Variants in SPATA31H1 observed in about 807,000 individuals in gnomAD.
SPATA31H1 encodes spermatogenesis-associated protein 31H1.
the SPATA31H1 span, chr2:27,582,532 A>C: frequency 6.3e-7 from 1 of 1,581,234 alleles, no homozygotes. Context: ...CGATGAGGCG[A>C]GGTCCGCCCC....
the SPATA31H1 span, chr2:27,574,192 A>T: frequency 5.0e-6 from 2 of 398,478 alleles, no homozygotes; most frequent in African/African-American, 4.1e-5. Flanking sequence ...ATGGAATGCA[A>T]CTCAGGCCCA....
chr2:27,579,700 T>C, the SPATA31H1 span: 1 of 1,614,198 alleles, frequency 6.2e-7, no homozygotes, highest in Non-Finnish European at 8.5e-7. Context: ...AGAGAAGATC[T>C]TGTTCCAATG....
At chr2:27,580,574 T>A in the SPATA31H1 span, 1 of 1,614,224 alleles carries the variant, frequency 6.2e-7, no homozygotes, top group Non-Finnish European at 8.5e-7. Context: ...AGACAAGTAC[T>A]GCCTCTTTAA....
the SPATA31H1 span, chr2:27,576,034 G>A: frequency 1.8e-5 from 7 of 398,832 alleles, no homozygotes; most frequent in Admixed American, 1.3e-4. Flanking sequence ...AAGCTTCTAC[G>A]TGCAGCACCT....
At chr2:27,539,091 T>C in the SPATA31H1 span, among the ~76,000 whole-genome samples, 1 of 142,116 alleles carries the variant, frequency 7.0e-6, no homozygotes, top group Non-Finnish European at 1.5e-5. Context: ...ATAAACATTA[T>C]CATCATTTTC....
the SPATA31H1 span, among the ~76,000 whole-genome samples, chr2:27,552,324 C>T: frequency 6.6e-6 from 1 of 151,854 alleles, no homozygotes; most frequent in Non-Finnish European, 1.5e-5. Flanking sequence ...ATCTAGTTGT[C>T]CCAGCACCAT....
At chr2:27,573,276 G>C in the SPATA31H1 span, 2 of 398,092 alleles carry the variant, frequency 5.0e-6, no homozygotes, top group Non-Finnish European at 8.9e-6. Flanking sequence ...GTCAACCTCA[G>C]AGCCACAGCT....
At chr2:27,550,010 TAA>T in the SPATA31H1 span, among the ~76,000 whole-genome samples, 37 of 152,062 alleles carry the variant, frequency 2.4e-4, no homozygotes, top group East Asian at 2.5e-3. Flanking sequence ...AAGATTTTTA[TAA>T]ATTGACTTTC....
chr2:27,582,125 G>C, the SPATA31H1 span: 1 of 1,613,266 alleles, frequency 6.2e-7, no homozygotes, highest in Non-Finnish European at 8.5e-7. Context: ...CCTCAGAGAA[G>C]AGCCACCTCA....
At chr2:27,570,248 T>A in the SPATA31H1 span, 3 of 398,786 alleles carry the variant, frequency 7.5e-6, no homozygotes, top group Non-Finnish European at 4.4e-6. Context: ...AAGGGACACA[T>A]ATTGAAGATA....
the SPATA31H1 span, among the ~76,000 whole-genome samples, chr2:27,547,322 C>T: frequency 6.6e-6 from 1 of 151,640 alleles, no homozygotes; most frequent in Non-Finnish European, 1.5e-5. Context: ...TACAGGTGCA[C>T]ACCACCATGC....
chr2:27,566,065 T>A, the SPATA31H1 span: 1,324 of 717,528 alleles, frequency 1.8e-3, 6 homozygotes, highest in Non-Finnish European at 2.7e-3. Context: ...GAAGAAAACC[T>A]CAGGATGGCT....
chr2:27,539,101 CTTTTTT>C, the SPATA31H1 span, among the ~76,000 whole-genome samples: 3,842 of 94,568 alleles, frequency 0.041, 158 homozygotes, highest in African/African-American at 0.16. Context: ...TCATCATTTT[CTTTTTT>C]TTTTTTTTTT....
At chr2:27,547,320 C>T in the SPATA31H1 span, among the ~76,000 whole-genome samples, 1 of 151,682 alleles carries the variant, frequency 6.6e-6, no homozygotes, top group Non-Finnish European at 1.5e-5. Context: ...ATTACAGGTG[C>T]ACACCACCAT....
chr2:27,539,701 AAGCGCCCCTCACCTCCC>A, the SPATA31H1 span, among the ~76,000 whole-genome samples: 96 of 76,482 alleles, frequency 1.3e-3, no homozygotes, highest in African/African-American at 4.0e-3. Flanking sequence ...GGCCGGGCAG[AAGCGCCCCTCACCTCCC>A]GGATGGGGCG....
chr2:27,547,784 A>G, the SPATA31H1 span, among the ~76,000 whole-genome samples: 1 of 151,892 alleles, frequency 6.6e-6, no homozygotes, highest in Admixed American at 6.6e-5. Flanking sequence ...AAACAAATTG[A>G]AAATATATAG....
the SPATA31H1 span, chr2:27,569,741 G>A: frequency 7.5e-6 from 3 of 398,778 alleles, no homozygotes; most frequent in Non-Finnish European, 1.3e-5. Context: ...TGCCATTGGA[G>A]GATTTGACTA....
At chr2:27,576,143 T>C in the SPATA31H1 span, 2 of 403,494 alleles carry the variant, frequency 5.0e-6, no homozygotes, top group East Asian at 3.5e-5. Flanking sequence ...AGTGCAAACT[T>C]GCGCCACACT....
chr2:27,578,963 T>A, the SPATA31H1 span: 1 of 1,614,040 alleles, frequency 6.2e-7, no homozygotes, highest in South Asian at 1.1e-5. Context: ...TGGCCCTTCA[T>A]AATCAAAGCT....
Sources: gnomAD v4.1 joint callset for allele counts (sites outside exome capture counted in the v4.1 genomes callset) on GRCh38, gnomAD v4.1.1 for gene constraint, MANE v1.5 for transcripts, NCBI Gene and HGNC (gene_info 2026-07-23, HGNC 2026-07-21) for gene names.